The following MYO1B variants were observed in gnomAD, a reference collection of about 807,000 sequenced individuals.
MYO1B encodes myosin IB, also known as unconventional myosin-Ib.
In MYO1B, 72 loss-of-function variants were observed where a neutral mutation model predicts 159.7. The ratio of observed to expected loss-of-function variants is 0.45; its 90% CI spans 0.37 to 0.55. The LOEUF is 0.55. MYO1B is among the 20% of genes least tolerant of loss of function. The probability of loss-of-function intolerance (pLI) is 0.00; values close to 1 mark genes in which losing one functional copy is unlikely to be tolerated. For synonymous variants in MYO1B, 468 were observed against 473.8 expected (o/e 0.99, Z 0.16); for missense variants, 1,062 against 1,364.8 (o/e 0.78, Z 3.50).
chr2:191,268,791 G>A (rs1236124976), intron 1 of MYO1B, among the ~76,000 whole-genome samples: 1 of 152,198 alleles, frequency 6.6e-6, no homozygotes, highest in Non-Finnish European at 1.5e-5. Context: ...TGACTGTGGT[G>A]TCTGTGTCCT....
rs999903035 is a variant in MYO1B at position 191,400,297 on chromosome 2, A to G, written c.2296-85A>G. 6 of 1,421,422 alleles carry G rather than the reference A, an allele frequency of 4.2e-6. No homozygotes were observed. In the African/African-American group the frequency reaches 5.7e-5, roughly 13 times the overall value. 88.1% of individuals were successfully genotyped at this position (1,421,422 alleles called of 1,614,324 possible). ...TCACAATAGCATGGGTGTTAGGACG[A>G]TCATCTCTTCAGGTTTTTTTTTCAA... On this transcript the variant is annotated intron_variant, in intron 21 of 30. Coordinates refer to ENST00000392318, the MANE Select transcript of MYO1B (RefSeq NM_001130158.3).
chr2:191,346,497 T>A (rs1441984813), intron 6 of MYO1B, among the ~76,000 whole-genome samples: 1 of 152,222 alleles, frequency 6.6e-6, no homozygotes, highest in Non-Finnish European at 1.5e-5. Context: ...TCATGTTTTC[T>A]TGACATCTTC....
intron 21 of MYO1B, among the ~76,000 whole-genome samples, chr2:191,397,017 C>A (rs147068897): frequency 1.3e-5 from 2 of 151,968 alleles, no homozygotes; most frequent in South Asian, 4.2e-4. Flanking sequence ...CACTGAACTA[C>A]AGGCCACAGG....
chr2:191,320,229 A>T (rs1234699175), intron 3 of MYO1B, among the ~76,000 whole-genome samples: 1 of 152,168 alleles, frequency 6.6e-6, no homozygotes, highest in Non-Finnish European at 1.5e-5. Flanking sequence ...TTCTAGTTAG[A>T]TAGTACATGA....
At chr2:191,404,904 T>G (rs374291784) in intron 24 of MYO1B, among the ~76,000 whole-genome samples, 2 of 152,324 alleles carry the variant, frequency 1.3e-5, no homozygotes, top group African/African-American at 4.8e-5. Flanking sequence ...TGGTGGCTGC[T>G]GAAGGTTGTG....
chr2:191,339,200 G>C (rs142173129), intron 4 of MYO1B, among the ~76,000 whole-genome samples: 439 of 152,262 alleles, frequency 2.9e-3, no homozygotes, highest in African/African-American at 9.8e-3. Context: ...CCTGCTAGGA[G>C]GGCAGCCTCA....
At chr2:191,330,124 C>T (rs977548408) in intron 4 of MYO1B, 95 bp downstream of exon 4, 31 of 990,754 alleles carry the variant, frequency 3.1e-5, no homozygotes, top group South Asian at 9.4e-5. Flanking sequence ...CAAGATCTGT[C>T]GCAGGGCCAC....
At chr2:191,387,627 T>C in intron 17 of MYO1B, 177 bp downstream of exon 17, 1 of 632,328 alleles carries the variant, frequency 1.6e-6, no homozygotes, top group South Asian at 2.0e-5. Context: ...TCCTTTCCCC[T>C]AAAATAAGAA....
chr2:191,278,538 G>T (rs926258390), intron 2 of MYO1B, among the ~76,000 whole-genome samples: 20 of 152,356 alleles, frequency 1.3e-4, no homozygotes, highest in African/African-American at 4.8e-4. Flanking sequence ...TGGTGGAGGT[G>T]GGGGAAGGTT....
At position 191,390,016 on chromosome 2, in the gene MYO1B, T is replaced by A. The variant is rs570651993; in HGVS notation, c.1782-276T>A. 2.0e-5 allele frequency among the ~76,000 whole-genome samples: 3 copies of A among 152,338 alleles called. No homozygotes were observed. In the East Asian group the frequency reaches 5.8e-4, roughly 29 times the overall value. ...CATAACTACAGCATGTACTCTTGTGTTGGGCTTCTTTTCACTCAATGAAAT... is the reference window on the plus strand; with the variant it reads ...CATAACTACAGCATGTACTCTTGTGATGGGCTTCTTTTCACTCAATGAAAT... On this transcript the variant is annotated intron_variant, in intron 17 of 30. Transcript: ENST00000392318.
chr2:191,301,099 C>T (rs1241944669), intron 3 of MYO1B, among the ~76,000 whole-genome samples: 3 of 152,170 alleles, frequency 2.0e-5, no homozygotes, highest in Non-Finnish European at 4.4e-5. Context: ...GAAGCCACAT[C>T]TTTGAGCAGG....
intron 2 of MYO1B, among the ~76,000 whole-genome samples, chr2:191,280,252 G>T (rs1156846886): frequency 4.6e-5 from 7 of 152,198 alleles, no homozygotes; most frequent in Non-Finnish European, 1.0e-4. Flanking sequence ...AAGGCATTCT[G>T]GAGTTAGTTG....
intron 13 of MYO1B, among the ~76,000 whole-genome samples, chr2:191,380,484 C>T (rs1050597154): frequency 1.3e-5 from 2 of 152,138 alleles, no homozygotes; most frequent in African/African-American, 2.4e-5. Flanking sequence ...CATCTTTGGG[C>T]GATAAAGAAA....
At chr2:191,376,796 A>G (rs976470897) in intron 13 of MYO1B, among the ~76,000 whole-genome samples, 4 of 152,180 alleles carry the variant, frequency 2.6e-5, no homozygotes, top group Non-Finnish European at 4.4e-5. Flanking sequence ...TGCCACTTCT[A>G]TTTACTGTCT....
chr2:191,400,431 C>T lies in MYO1B; in HGVS notation c.2345C>T (p.Ala782Val). ...ELKHQKRCKE[A>V]VTTIAAYWHG... ...AAGCATCAAAAGCGCTGTAAGGAAG[C>T]AGTCACGACCATTGCTGCATATTGG... Residue 782 changes from alanine (A) to valine (V), a missense_variant, in exon 22 of 31, where the codon GCA becomes GTA. Ala to Val is a moderately conservative substitution (Grantham distance 64). Coordinates refer to ENST00000392318, the MANE Select transcript of MYO1B (RefSeq NM_001130158.3). 1.2e-6 allele frequency: 2 copies of T among 1,614,116 alleles called. No individual in the cohort carries two copies. The highest frequency in any genetic ancestry group is 1.7e-6 in the Non-Finnish European group (2 of 1,180,026).
chr2:191,396,358 C>T, intron 20 of MYO1B, 71 bp from the exon 21 acceptor site: 2 of 1,503,472 alleles, frequency 1.3e-6, no homozygotes, highest in African/African-American at 1.4e-5. Flanking sequence ...GAGCAAATAC[C>T]CTTTCTCAAT....
At chr2:191,416,001 G>C in intron 29 of MYO1B, 114 bp from the exon 30 acceptor site, 1 of 1,180,424 alleles carries the variant, frequency 8.5e-7, no homozygotes, top group Non-Finnish European at 1.2e-6. Context: ...TGGGAGAATG[G>C]ATTCCAGGAT....
chr2:191,359,916 G>A (rs1001581736), intron 7 of MYO1B, among the ~76,000 whole-genome samples: 3 of 152,078 alleles, frequency 2.0e-5, no homozygotes, highest in Non-Finnish European at 4.4e-5. Flanking sequence ...TTGAAAATTT[G>A]GGAAGACCTC....
intron 3 of MYO1B, among the ~76,000 whole-genome samples, chr2:191,309,080 G>A (rs1191395704): frequency 6.6e-6 from 1 of 152,116 alleles, no homozygotes; most frequent in Admixed American, 6.5e-5. Flanking sequence ...TCTTCAGCTG[G>A]ATTTCTCGCC....
Sources: allele counts gnomAD v4.1 joint callset (sites outside exome capture counted in the v4.1 genomes callset), GRCh38; gene constraint gnomAD v4.1.1; transcripts MANE v1.5; gene names NCBI Gene and HGNC (gene_info 2026-07-23, HGNC 2026-07-21).